Variants in SEPSECS observed in about 807,000 individuals in gnomAD.
SEPSECS encodes Sep (O-phosphoserine) tRNA:Sec (selenocysteine) tRNA synthase.
A neutral mutation model predicts 52.1 loss-of-function variants in SEPSECS; 42 were observed. The ratio of observed to expected loss-of-function variants is 0.81; its 90% CI spans 0.63 to 1.04. The LOEUF (loss-of-function observed/expected upper bound fraction) is 1.04. Among genes scored for constraint, SEPSECS ranks in the 50% least tolerant of loss-of-function variants. SEPSECS has a pLI of 0.00. For synonymous variants in SEPSECS, 216 were observed against 211.4 expected, an observed-to-expected ratio of 1.02 and a Z score of -0.19; for missense variants, 590 against 610.6, an observed-to-expected ratio of 0.97 and a Z score of 0.36.
chr4:25,156,759 T>C (rs1712679469), intron 3 of SEPSECS, 97 bp downstream of exon 3: 3 of 465,148 alleles, frequency 6.4e-6, no homozygotes, highest in Admixed American at 2.3e-5. Flanking sequence ...AAGCCACTCA[T>C]ACTCTTTTTG....
At chr4:25,125,977 C>A (rs1285487670) in intron 9 of SEPSECS, among the ~76,000 whole-genome samples, 193 bp from the exon 10 acceptor site, 2 of 152,068 alleles carry the variant, frequency 1.3e-5, no homozygotes, top group Non-Finnish European at 2.9e-5. Context: ...AAATTAACAT[C>A]TCCAAATACG....
At chr4:25,148,257 G>A (rs1488612522) in intron 6 of SEPSECS, among the ~76,000 whole-genome samples, 4 of 151,806 alleles carry the variant, frequency 2.6e-5, no homozygotes, top group African/African-American at 9.7e-5. Context: ...GGAGGCTGAG[G>A]CAGGAGAATG....
rs1285758170 is a variant in SEPSECS at position 25,160,415 on chromosome 4, C to G, written c.-46G>C. ...CGAATAAGCGGGAGCACTAGCTCCA[C>G]ACGCCAGACACACGACGGAACCAGA... On this transcript the variant is annotated 5_prime_UTR_variant, in exon 1 of 11. Coordinates refer to ENST00000382103, the MANE Select transcript of SEPSECS (RefSeq NM_016955.4). 1 of 1,445,642 alleles carries G rather than the reference C, an allele frequency of 6.9e-7. No homozygotes were observed. Among genetic ancestry groups the G allele is most frequent in the Admixed American group, 2.1e-5 (1 of 48,354 alleles). The allele number at this position is 1,445,642 out of a possible 1,614,324, so 89.6% of individuals were successfully genotyped here.
At chr4:25,137,871 A>C (rs747346077) in intron 8 of SEPSECS, among the ~76,000 whole-genome samples, 2 of 152,232 alleles carry the variant, frequency 1.3e-5, no homozygotes, top group Non-Finnish European at 2.9e-5. Context: ...TACACCATGG[A>C]ATACTATGCA....
At chr4:25,125,091 C>T (rs1056170356) in intron 10 of SEPSECS, among the ~76,000 whole-genome samples, 3 of 152,064 alleles carry the variant, frequency 2.0e-5, no homozygotes, top group Non-Finnish European at 4.4e-5. Flanking sequence ...GATATAAAAT[C>T]TCTATCCTCC....
chr4:25,153,497 A>C (rs897273485), intron 5 of SEPSECS, among the ~76,000 whole-genome samples: 4 of 151,956 alleles, frequency 2.6e-5, no homozygotes, highest in Non-Finnish European at 5.9e-5. Context: ...TATGTATCAA[A>C]TTGTTTTCTA....
At chr4:25,146,482 A>T (rs2109023569) in intron 6 of SEPSECS, among the ~76,000 whole-genome samples, 1 of 151,968 alleles carries the variant, frequency 6.6e-6, no homozygotes, top group African/African-American at 2.4e-5. Flanking sequence ...AATAAAAAAA[A>T]CTGGAAAACA....
At chr4:25,155,276 C>CAGAGGAA in intron 4 of SEPSECS, 125 bp from the exon 5 acceptor site, 1 of 1,058,708 alleles carries the variant, frequency 9.4e-7, no homozygotes, top group East Asian at 2.6e-5. Context: ...ATTAACCTTC[C>CAGAGGAA]TCTGGTAATA....
chr4:25,127,778 C>T (rs1728440736), intron 8 of SEPSECS, among the ~76,000 whole-genome samples: 1 of 152,154 alleles, frequency 6.6e-6, no homozygotes, highest in Non-Finnish European at 1.5e-5. Context: ...CCAGTTCATG[C>T]TTCTCCCCTG....
chr4:25,151,561 T>C (rs138010988), intron 6 of SEPSECS, among the ~76,000 whole-genome samples: 2 of 152,298 alleles, frequency 1.3e-5, no homozygotes, highest in East Asian at 3.9e-4. Flanking sequence ...AGCTATATAC[T>C]AGCATGTTTA....
chr4:25,125,524 G>A, intron 10 of SEPSECS, 170 bp downstream of exon 10: 1 of 649,292 alleles, frequency 1.5e-6, no homozygotes. Flanking sequence ...CAGTCCACAG[G>A]TGGGCATACA....
chr4:25,158,860 A>G (rs2109038722), intron 2 of SEPSECS, 93 bp downstream of exon 2: 1 of 1,291,768 alleles, frequency 7.7e-7, no homozygotes, highest in South Asian at 1.2e-5. Context: ...ACAAACTGAC[A>G]TTTGATAATC....
Position 25,123,704 on chromosome 4 carries a change from A to C in SEPSECS, c.*227T>G. On this transcript the variant is annotated 3_prime_UTR_variant, in exon 11 of 11. Coordinates refer to ENST00000382103, the MANE Select transcript of SEPSECS (RefSeq NM_016955.4). ...TGACAGATATTCTAACAATTAGAAAAATGCTAATTGTATATTATAACCTGT... is the reference window on the plus strand; with the variant it reads ...TGACAGATATTCTAACAATTAGAAACATGCTAATTGTATATTATAACCTGT... 1 of 533,496 alleles carries C rather than the reference A, an allele frequency of 1.9e-6. No individual in the cohort carries two copies. The highest frequency in any genetic ancestry group is 3.4e-6 in the Non-Finnish European group (1 of 297,728). 33.0% of individuals were successfully genotyped at this position (533,496 alleles called of 1,614,324 possible). A position where few individuals can be genotyped will look rare whatever the true frequency, so the allele number is the denominator to read the frequency against.
In SEPSECS at chr4:25,135,396, A is replaced by G. The variant is rs547581999; in HGVS notation, c.1027-8039T>C. Among the ~76,000 whole-genome samples the G allele has an allele frequency of 1.7e-4, 26 of 152,302 alleles. 1 individual carries two copies. In the South Asian group the frequency reaches 5.2e-3, roughly 30 times the overall value. Reference sequence around the variant, plus strand: ...ATAAACGGGGTATCACCACTGACCCACAGAAATACAAACAACTATCAGAGA... The same window carrying G: ...ATAAACGGGGTATCACCACTGACCCGCAGAAATACAAACAACTATCAGAGA... On this transcript the variant is annotated intron_variant, in intron 8 of 10. Transcript: ENST00000382103.
At chr4:25,147,822 CATTG>C (rs745530241) in intron 6 of SEPSECS, among the ~76,000 whole-genome samples, 45 of 152,188 alleles carry the variant, frequency 3.0e-4, no homozygotes, top group African/African-American at 9.2e-4. Context: ...TACTTTTCTT[CATTG>C]ATTGATTATT....
In SEPSECS at chr4:25,144,269, G is replaced by A. The variant is rs999985533; in HGVS notation, c.1026+505C>T. ...GCAGAAGAATGGTTTGAACCTGGGA[G>A]GCGGAGGTTGCAGTGAGCCAAGATC... On this transcript the variant is annotated intron_variant, in intron 8 of 10. Transcript: ENST00000382103. Among the ~76,000 whole-genome samples the A allele has an allele frequency of 5.4e-4, 81 of 150,930 alleles. 1 individual carries two copies. Among genetic ancestry groups the A allele is most frequent in the African/African-American group, 1.9e-3 (79 of 40,978 alleles).
In SEPSECS at chr4:25,156,854, A is replaced by ACC; in HGVS notation, c.388_388+1dup. Reference sequence around the variant, plus strand: ...AAGCATTATGATTAAGACGGTACATACCAGCCAGCTTTATAATGTCCAGGA... The same window carrying ACC: ...AAGCATTATGATTAAGACGGTACATACCCCAGCCAGCTTTATAATGTCCAGGA... On this transcript the variant is annotated splice_donor_variant, in intron 3 of 10. Transcript: ENST00000382103. LOFTEE classifies it high-confidence loss of function. The ACC allele has an allele frequency of 6.6e-7, 1 of 1,508,462 alleles. No individual in the cohort carries two copies. The highest frequency in any genetic ancestry group is 9.2e-7 in the Non-Finnish European group (1 of 1,083,942). The allele number at this position is 1,508,462 out of a possible 1,614,324, so 93.4% of individuals were successfully genotyped here.
chr4:25,147,707 G>T (rs1192204339), intron 6 of SEPSECS, among the ~76,000 whole-genome samples: 1 of 152,052 alleles, frequency 6.6e-6, no homozygotes, highest in Non-Finnish European at 1.5e-5. Context: ...TGTGCATACA[G>T]AATACTCTAT....
intron 8 of SEPSECS, among the ~76,000 whole-genome samples, chr4:25,134,027 G>A (rs1453306572): frequency 6.6e-6 from 1 of 150,536 alleles, no homozygotes; most frequent in East Asian, 2.0e-4. Flanking sequence ...AGGAGGCTGA[G>A]GTGGGAGGAT....
Sources: allele counts gnomAD v4.1 joint callset (sites outside exome capture counted in the v4.1 genomes callset), GRCh38; gene constraint gnomAD v4.1.1; transcripts MANE v1.5; gene names NCBI Gene and HGNC (gene_info 2026-07-23, HGNC 2026-07-21).